The following EPHA6 variants were observed in gnomAD, a reference collection of about 807,000 sequenced individuals.
EPHA6 encodes EPH receptor A6.
A neutral mutation model predicts 112.0 loss-of-function variants in EPHA6; 50 were observed. The observed-to-expected ratio is 0.45, with a 90% CI of 0.36 to 0.56. The LOEUF (loss-of-function observed/expected upper bound fraction) is 0.56. Among genes scored for constraint, EPHA6 ranks in the 20% least tolerant of loss-of-function variants. EPHA6 has a pLI of 0.00. For synonymous variants in EPHA6, 529 were observed against 490.7 expected (o/e 1.08, Z -1.03); for missense variants, 1,280 against 1,417.4 (o/e 0.90, Z 1.56).
chr3:97,222,027 C>CA (rs1286519110), intron 3 of EPHA6, among the ~76,000 whole-genome samples: 3,148 of 110,532 alleles, frequency 0.028, 82 homozygotes, highest in African/African-American at 0.08. Context: ...GACCCCTTCT[C>CA]AAAAAAAAAA....
At chr3:97,576,169 T>A (rs561792036) in intron 11 of EPHA6, among the ~76,000 whole-genome samples, 2 of 152,132 alleles carry the variant, frequency 1.3e-5, no homozygotes, top group African/African-American at 4.8e-5. Context: ...TGTGAAATAT[T>A]TTTTTCCAAG....
At chr3:96,819,703 G>A (rs940728133) in intron 1 of EPHA6, among the ~76,000 whole-genome samples, 3 of 152,042 alleles carry the variant, frequency 2.0e-5, no homozygotes, top group South Asian at 2.1e-4. Context: ...ATCAAATTGC[G>A]TATCTCTACA....
chr3:97,034,431 CTT>C (rs1021022918), intron 3 of EPHA6, among the ~76,000 whole-genome samples: 1 of 151,854 alleles, frequency 6.6e-6, no homozygotes, highest in African/African-American at 2.4e-5. Flanking sequence ...GTGTTATAGA[CTT>C]AATATATAAT....
intron 2 of EPHA6, among the ~76,000 whole-genome samples, chr3:96,911,885 T>C (rs973834490): frequency 6.6e-6 from 1 of 152,064 alleles, no homozygotes; most frequent in African/African-American, 2.4e-5. Flanking sequence ...TTTTTGATAC[T>C]ATTTTTCTAA....
chr3:97,132,508 T>G (rs927140256), intron 3 of EPHA6, among the ~76,000 whole-genome samples: 5 of 152,052 alleles, frequency 3.3e-5, no homozygotes, highest in African/African-American at 1.2e-4. Flanking sequence ...GCTCCTTACG[T>G]GATGATATTT....
rs76787950 is a variant in EPHA6, at chr3:97,486,452, G to T, written c.2200+2393G>T. Among the ~76,000 whole-genome samples the T allele has an allele frequency of 9.5e-3, 1,442 of 152,250 alleles. 21 individuals carry two copies. The highest frequency in any genetic ancestry group is 0.031 in the African/African-American group (1,296 of 41,536). ...TGCTCTAATAGAATGCCTCACATGG[G>T]GTAGTTTATAATGAACAGAGTTTTT... On this transcript the variant is annotated intron_variant, in intron 10 of 17. Transcript: ENST00000389672.
intron 11 of EPHA6, among the ~76,000 whole-genome samples, chr3:97,552,579 G>A (rs1375241265): frequency 1.3e-5 from 2 of 152,060 alleles, no homozygotes; most frequent in African/African-American, 2.4e-5. Flanking sequence ...TTTTAAAAAA[G>A]GACATATTAT....
chr3:97,072,309 A>T (rs1374700181), intron 3 of EPHA6, among the ~76,000 whole-genome samples: 2 of 152,116 alleles, frequency 1.3e-5, no homozygotes, highest in Admixed American at 1.3e-4. Flanking sequence ...GGTTAAGATG[A>T]GGTTCTTAAG....
chr3:97,692,996 A>G (rs2032773841), intron 14 of EPHA6, among the ~76,000 whole-genome samples: 2 of 152,192 alleles, frequency 1.3e-5, no homozygotes, highest in Non-Finnish European at 2.9e-5. Flanking sequence ...TAATGTTTAC[A>G]TTGCAGCTAT....
chr3:97,312,444 G>C (rs2081605216), intron 5 of EPHA6, among the ~76,000 whole-genome samples: 1 of 151,424 alleles, frequency 6.6e-6, no homozygotes, highest in Non-Finnish European at 1.5e-5. Flanking sequence ...AAAACTGTTT[G>C]AGTTCCAACA....
chr3:97,230,635 A>G (rs2078496258), intron 4 of EPHA6, among the ~76,000 whole-genome samples: 1 of 152,174 alleles, frequency 6.6e-6, no homozygotes, highest in African/African-American at 2.4e-5. Flanking sequence ...AGACTCCAGT[A>G]ACAAAAGAGA....
chr3:97,631,125 A>G (rs2093899225), intron 13 of EPHA6, among the ~76,000 whole-genome samples: 1 of 152,064 alleles, frequency 6.6e-6, no homozygotes, highest in Non-Finnish European at 1.5e-5. Context: ...ATATTTTAAT[A>G]GAGGAATTTC....
At chr3:97,127,213 A>G (rs1487136726) in intron 3 of EPHA6, among the ~76,000 whole-genome samples, 1 of 152,174 alleles carries the variant, frequency 6.6e-6, no homozygotes, top group Non-Finnish European at 1.5e-5. Context: ...TAATTGTACA[A>G]AGGGATATGA....
intron 3 of EPHA6, among the ~76,000 whole-genome samples, chr3:97,223,748 G>T (rs1055222798): frequency 6.6e-6 from 1 of 152,308 alleles, no homozygotes; most frequent in East Asian, 1.9e-4. Context: ...AACGGAGAAG[G>T]TGCAAGAAGG....
At chr3:97,629,872 A>C (rs569134038) in intron 13 of EPHA6, among the ~76,000 whole-genome samples, 11 of 151,986 alleles carry the variant, frequency 7.2e-5, no homozygotes, top group Non-Finnish European at 1.3e-4. Context: ...AGATGATGGC[A>C]CTTTGTGACA....
intron 3 of EPHA6, among the ~76,000 whole-genome samples, chr3:97,118,672 A>G (rs2047960464): frequency 6.6e-6 from 1 of 151,896 alleles, no homozygotes; most frequent in South Asian, 2.1e-4. Flanking sequence ...AATCACACAA[A>G]TATGGCTAAA....
At position 97,643,621 on chromosome 3, in the gene EPHA6, A is replaced by G. The variant is rs924935024; in HGVS notation, c.2784+5539A>G. Among the ~76,000 whole-genome samples, 79 of 151,046 alleles carry G rather than the reference A, an allele frequency of 5.2e-4. 1 individual carries two copies. The South Asian group carries it at 0.014, about 27-fold the overall frequency. On this transcript the variant is annotated intron_variant, in intron 14 of 17. Transcript: ENST00000389672. ...GATCTACCAAGCAAATGGAAAACAA[A>G]AAAAAGCAGGCGTTGCAATCCTAGT...
At chr3:97,174,432 A>T (rs1420265946) in intron 3 of EPHA6, among the ~76,000 whole-genome samples, 3 of 151,878 alleles carry the variant, frequency 2.0e-5, no homozygotes, top group African/African-American at 7.2e-5. Context: ...GGATTGCTGG[A>T]TCATGTGGTA....
At chr3:97,724,571 A>G (rs1193401947) in intron 15 of EPHA6, among the ~76,000 whole-genome samples, 1 of 152,048 alleles carries the variant, frequency 6.6e-6, no homozygotes, top group African/African-American at 2.4e-5. Flanking sequence ...TTCCAGACCA[A>G]TGTGGGGAAT....
Sources: gnomAD v4.1 joint callset for allele counts (sites outside exome capture counted in the v4.1 genomes callset) on GRCh38, gnomAD v4.1.1 for gene constraint, MANE v1.5 for transcripts, NCBI Gene and HGNC (gene_info 2026-07-23, HGNC 2026-07-21) for gene names.